Variants in PICK1 observed in about 807,000 individuals in gnomAD.
The protein encoded by PICK1 is protein interacting with PRKCA 1.
PICK1 carries 23 observed loss-of-function variants against 48.9 expected under a neutral mutation model. The ratio of observed to expected loss-of-function variants is 0.47; its 90% CI spans 0.34 to 0.67. The LOEUF is 0.67. Ranked by LOEUF, PICK1 falls within the 30% of genes least tolerant of loss-of-function variation. The probability of loss-of-function intolerance (pLI) is 0.01; values close to 1 mark genes in which losing one functional copy is unlikely to be tolerated. For missense variants in PICK1, 423 were observed against 557.1 expected, an observed-to-expected ratio of 0.76 and a Z score of 2.42; for synonymous variants, 217 against 228.2, an observed-to-expected ratio of 0.95 and a Z score of 0.44.
In PICK1 at chr22:38,057,732, T is replaced by C. The variant is rs925960918; in HGVS notation, c.-57-21T>C. On this transcript the variant is annotated intron_variant, in intron 1 of 12. Transcript: ENST00000356976. Reference sequence around the variant, plus strand: ...CACTTGGGTTCCTTAAATCCTATGCTCCTTTCTCTCCCGGATCCAGTTCCC... The same window carrying C: ...CACTTGGGTTCCTTAAATCCTATGCCCCTTTCTCTCCCGGATCCAGTTCCC... 3 of 1,330,076 alleles carry C rather than the reference T, an allele frequency of 2.3e-6. No individual in the cohort carries two copies. In the African/African-American group the frequency reaches 4.3e-5, roughly 19 times the overall value. The allele number at this position is 1,330,076 out of a possible 1,614,324, so 82.4% of individuals were successfully genotyped here. A position where few individuals can be genotyped will look rare whatever the true frequency, so the allele number is the denominator to read the frequency against.
At chr22:38,062,989 C>T (rs1260245125) in intron 3 of PICK1, among the ~76,000 whole-genome samples, 2 of 152,120 alleles carry the variant, frequency 1.3e-5, no homozygotes, top group East Asian at 1.9e-4. Flanking sequence ...TGGGAGGAGT[C>T]GTGATGGTAG....
chr22:38,063,972 G>A (rs1234754360), intron 3 of PICK1, among the ~76,000 whole-genome samples: 5 of 152,070 alleles, frequency 3.3e-5, no homozygotes, highest in South Asian at 2.1e-4. Flanking sequence ...CTCCAATGTC[G>A]TGAAGGTTTT....
At chr22:38,068,035 C>T (rs1023928528) in intron 5 of PICK1, 7 of 591,190 alleles carry the variant, frequency 1.2e-5, no homozygotes, top group Non-Finnish European at 2.0e-5. Flanking sequence ...CTGCCATCTC[C>T]TCTGGGGACT....
At chr22:38,070,189 C>A (rs2145876750) in intron 6 of PICK1, among the ~76,000 whole-genome samples, 1 of 152,332 alleles carries the variant, frequency 6.6e-6, no homozygotes, top group South Asian at 2.1e-4. Flanking sequence ...CCCAGGTCAA[C>A]ACAGGAGGCT....
chr22:38,059,487 G>GCTGCGTTGCTCTGCC (rs2085348101), intron 3 of PICK1, 142 bp downstream of exon 3: 3 of 685,398 alleles, frequency 4.4e-6, no homozygotes, highest in Non-Finnish European at 8.1e-6. Context: ...GACCACCTGC[G>GCTGCGTTGCTCTGCC]CTGCGTTGCT....
chr22:38,071,484 G>A (rs926338686), intron 7 of PICK1, among the ~76,000 whole-genome samples, 198 bp from the exon 8 acceptor site: 7 of 152,178 alleles, frequency 4.6e-5, no homozygotes, highest in East Asian at 1.9e-4. Flanking sequence ...AAATGCTGGC[G>A]CCCCTGTCTG....
At chr22:38,058,103 G>T in intron 2 of PICK1, 1 of 560,472 alleles carries the variant, frequency 1.8e-6, no homozygotes. Flanking sequence ...AGCAGATGGA[G>T]CAGTGCTTCT....
rs1016046172 is a variant in PICK1 at position 38,059,863 on chromosome 22, A to G, written c.153+518A>G. 2.6e-5 allele frequency among the ~76,000 whole-genome samples: 4 copies of G among 152,334 alleles called. No individual in the cohort carries two copies. In the East Asian group the frequency reaches 7.7e-4, roughly 29 times the overall value. ...CGGGGATTTAAAACATGTAGACACAATCATCTCTGGGTTCTTGTGAGAAGT... is the reference window on the plus strand; with the variant it reads ...CGGGGATTTAAAACATGTAGACACAGTCATCTCTGGGTTCTTGTGAGAAGT... On this transcript the variant is annotated intron_variant, in intron 3 of 12. Coordinates refer to ENST00000356976, the MANE Select transcript of PICK1 (RefSeq NM_012407.4).
At chr22:38,063,403 G>C (rs747698443) in intron 3 of PICK1, among the ~76,000 whole-genome samples, 40 of 151,924 alleles carry the variant, frequency 2.6e-4, no homozygotes, top group Non-Finnish European at 4.9e-4. Flanking sequence ...CAAAATGCTG[G>C]GATTACAGGT....
At chr22:38,067,307 CTTTTTTTTT>C (rs33993578) in intron 4 of PICK1, among the ~76,000 whole-genome samples, 6 of 110,678 alleles carry the variant, frequency 5.4e-5, no homozygotes, top group African/African-American at 7.2e-5. Context: ...GCTTAGGATT[CTTTTTTTTT>C]TTTTTTTTTT....
chr22:38,060,314 C>T (rs1044811823), intron 3 of PICK1, among the ~76,000 whole-genome samples: 1 of 152,206 alleles, frequency 6.6e-6, no homozygotes, highest in Non-Finnish European at 1.5e-5. Context: ...GTGAGGAACA[C>T]TCTTGTGTCT....
chr22:38,057,784 G>C lies in PICK1; in HGVS notation c.-26G>C. 1 of 1,609,098 alleles carries C rather than the reference G, an allele frequency of 6.2e-7. No individual in the cohort carries two copies. Among genetic ancestry groups the C allele is most frequent in the Non-Finnish European group, 8.5e-7 (1 of 1,175,338 alleles). The stretch of plus-strand genomic sequence containing the variant: ...ATTCCCCTACCGAGCTGGGCAGTTA[G>C]CCAGCCCACTCCAACTCTCGGAACC... On this transcript the variant is annotated 5_prime_UTR_variant, in exon 2 of 13. Transcript: ENST00000356976.
Position 38,057,505 on chromosome 22 carries a change from A to G in PICK1, c.-140A>G. On this transcript the variant is annotated 5_prime_UTR_variant, in exon 1 of 13. Coordinates refer to ENST00000356976, the MANE Select transcript of PICK1 (RefSeq NM_012407.4). ...AACGCTTCCGGTGAGCGACAGAGGC[A>G]GCTCCCCAGGGCCTGGAGACCCGTG... 2.4e-6 allele frequency: 1 copy of G among 419,570 alleles called. No homozygotes were observed. Among genetic ancestry groups the G allele is most frequent in the Non-Finnish European group, 4.3e-6 (1 of 229,902 alleles). 26.0% of individuals were successfully genotyped at this position (419,570 alleles called of 1,614,324 possible). A position where few individuals can be genotyped will look rare whatever the true frequency, so the allele number is the denominator to read the frequency against.
chr22:38,071,534 C>A, intron 7 of PICK1, 148 bp from the exon 8 acceptor site: 1 of 780,918 alleles, frequency 1.3e-6, no homozygotes. Flanking sequence ...GAGCTTTTAC[C>A]CCTGGGCTGT....
In PICK1 at chr22:38,075,549, C is replaced by T. The variant is rs2085822500; in HGVS notation, c.*417C>T. 5.3e-6 allele frequency: 1 copy of T among 189,552 alleles called. No individual in the cohort carries two copies. Among genetic ancestry groups the T allele is most frequent in the Non-Finnish European group, 1.1e-5 (1 of 90,190 alleles). The allele number at this position is 189,552 out of a possible 1,614,324, so 11.7% of individuals were successfully genotyped here. On this transcript the variant is annotated 3_prime_UTR_variant, in exon 13 of 13. Coordinates refer to ENST00000356976, the MANE Select transcript of PICK1 (RefSeq NM_012407.4). ...ACAGCTGAGGTTGGGGTCAATGCCT[C>T]CTGGGCACCCTTGCCTCGCCCCAGA...
rs558864623 is a variant in PICK1, at chr22:38,060,920, C to T, written c.153+1575C>T. ...TGCGCCATCATGCCCAGCTAATTTTCGTATTTGTAGGAGAGAGAGGTTTTA... is the reference window on the plus strand; with the variant it reads ...TGCGCCATCATGCCCAGCTAATTTTTGTATTTGTAGGAGAGAGAGGTTTTA... On this transcript the variant is annotated intron_variant, in intron 3 of 12. Coordinates refer to ENST00000356976, the MANE Select transcript of PICK1 (RefSeq NM_012407.4). Among the ~76,000 whole-genome samples, 54 of 151,842 alleles carry T rather than the reference C, an allele frequency of 3.6e-4. 1 individual carries two copies. Among genetic ancestry groups the T allele is most frequent in the African/African-American group, 1.2e-3 (50 of 41,444 alleles).
chr22:38,074,715 G>A lies in PICK1; in HGVS notation c.980-149G>A, dbSNP rs984457632. The A allele has an allele frequency of 2.7e-6, 3 of 1,129,104 alleles. No individual in the cohort carries two copies. Among genetic ancestry groups the A allele is most frequent in the African/African-American group, 1.5e-5 (1 of 64,982 alleles). The allele number at this position is 1,129,104 out of a possible 1,614,324, so 69.9% of individuals were successfully genotyped here. Reference sequence around the variant, plus strand: ...CCCGGGCTGGGCGGCCCCTGCCTCCGCCCCTTGCCAGGTCATGAGGGGTCA... The same window carrying A: ...CCCGGGCTGGGCGGCCCCTGCCTCCACCCCTTGCCAGGTCATGAGGGGTCA... On this transcript the variant is annotated intron_variant, in intron 12 of 12. Transcript: ENST00000356976. This position sits in a 1 kb window ranked among gnomAD's most constrained non-coding sequence, Gnocchi z 4.5.
intron 2 of PICK1, chr22:38,058,058 G>C: frequency 3.2e-6 from 2 of 618,148 alleles, no homozygotes; most frequent in Non-Finnish European, 5.9e-6. Context: ...TGCCATAAGG[G>C]CACTATTAGC....
chr22:38,062,043 A>G (rs2145860691), intron 3 of PICK1, among the ~76,000 whole-genome samples: 1 of 152,314 alleles, frequency 6.6e-6, no homozygotes, highest in Non-Finnish European at 1.5e-5. Context: ...GGCACTAGGG[A>G]TAAAAGAATA....
Sources: allele counts gnomAD v4.1 joint callset (sites outside exome capture counted in the v4.1 genomes callset), GRCh38; gene constraint gnomAD v4.1.1; non-coding constraint Gnocchi (gnomAD v3.1); transcripts MANE v1.5; gene names NCBI Gene and HGNC (gene_info 2026-07-23, HGNC 2026-07-21).